The following PALD1 variants were observed in gnomAD, a reference collection of about 807,000 sequenced individuals.
The protein encoded by PALD1 is paladin.
A neutral mutation model predicts 96.0 loss-of-function variants in PALD1; 57 were observed. That is an observed-to-expected ratio of 0.59 (90% CI 0.48 to 0.74). The LOEUF (loss-of-function observed/expected upper bound fraction) is 0.74, where lower values mean the gene tolerates loss of function less well. Among genes scored for constraint, PALD1 ranks in the 30% least tolerant of loss-of-function variants. The pLI is 0.00. For missense variants in PALD1, 1,063 were observed against 1,143.7 expected, an observed-to-expected ratio of 0.93 and a Z score of 1.02; for synonymous variants, 464 against 473.6, an observed-to-expected ratio of 0.98 and a Z score of 0.26.
At chr10:70,550,557 G>A (rs1031615853) in intron 18 of PALD1, among the ~76,000 whole-genome samples, 1 of 152,172 alleles carries the variant, frequency 6.6e-6, no homozygotes, top group Non-Finnish European at 1.5e-5. Context: ...TCATAGAGTT[G>A]TGCATCCAGC....
the PALD1 span, among the ~76,000 whole-genome samples, chr10:70,470,598 A>T: frequency 6.9e-6 from 1 of 144,398 alleles, no homozygotes; most frequent in African/African-American, 2.7e-5. Context: ...ATAATAAATA[A>T]TATTATTTTT....
chr10:70,565,654 G>A (rs1288294959), intron 19 of PALD1, among the ~76,000 whole-genome samples: 1 of 152,134 alleles, frequency 6.6e-6, no homozygotes, highest in African/African-American at 2.4e-5. Context: ...AGGTGGAGAA[G>A]CATTTGAAAT....
intron 18 of PALD1, among the ~76,000 whole-genome samples, chr10:70,553,249 A>G (rs1245266664): frequency 6.6e-6 from 1 of 152,202 alleles, no homozygotes; most frequent in Non-Finnish European, 1.5e-5. Context: ...ACAGACAGGC[A>G]GGTTCCATGT....
chr10:70,518,810 A>G (rs1371975341), intron 1 of PALD1, among the ~76,000 whole-genome samples: 1 of 152,034 alleles, frequency 6.6e-6, no homozygotes, highest in Non-Finnish European at 1.5e-5. Flanking sequence ...ACCCCACCTC[A>G]CCCCAGTGAG....
chr10:70,519,367 A>G (rs1363849829), intron 1 of PALD1, among the ~76,000 whole-genome samples: 1 of 152,074 alleles, frequency 6.6e-6, no homozygotes, highest in East Asian at 1.9e-4. Flanking sequence ...GCATTGATTC[A>G]TTATCTGATA....
chr10:70,528,371 A>G (rs1846914482), intron 2 of PALD1, among the ~76,000 whole-genome samples: 1 of 152,222 alleles, frequency 6.6e-6, no homozygotes, highest in African/African-American at 2.4e-5. Flanking sequence ...TAGAACTACA[A>G]TTATATTAAT....
chr10:70,488,806 CA>C (rs1394821146), intron 1 of PALD1, among the ~76,000 whole-genome samples: 3 of 151,758 alleles, frequency 2.0e-5, no homozygotes, highest in Non-Finnish European at 4.4e-5. Context: ...AGCATTGGAT[CA>C]AAGGGGATCA....
chr10:70,515,642 G>T (rs1464718299), intron 1 of PALD1, among the ~76,000 whole-genome samples: 1 of 152,188 alleles, frequency 6.6e-6, no homozygotes, highest in Non-Finnish European at 1.5e-5. Flanking sequence ...TGGAGCCCTC[G>T]CTGTGCTGTG....
chr10:70,536,622 T>C (rs1427219806), intron 10 of PALD1, among the ~76,000 whole-genome samples: 1 of 152,246 alleles, frequency 6.6e-6, no homozygotes, highest in African/African-American at 2.4e-5. Context: ...TGTTCTCTAC[T>C]CTGCTGGCCC....
At chr10:70,460,926 G>A in the PALD1 span, among the ~76,000 whole-genome samples, 1 of 152,182 alleles carries the variant, frequency 6.6e-6, no homozygotes, top group East Asian at 1.9e-4. Context: ...GTGGTGGCAT[G>A]CGCCTGTAAT....
chr10:70,522,126 G>A (rs768203357), intron 1 of PALD1, among the ~76,000 whole-genome samples: 6 of 152,280 alleles, frequency 3.9e-5, no homozygotes, highest in Non-Finnish European at 8.8e-5. Flanking sequence ...TTCAATGGGG[G>A]TGTCACACTG....
chr10:70,544,815 C>G (rs944348585), intron 17 of PALD1, among the ~76,000 whole-genome samples: 1 of 152,176 alleles, frequency 6.6e-6, no homozygotes, highest in Non-Finnish European at 1.5e-5. Flanking sequence ...CTCCTACTCC[C>G]CTGGGCACAG....
intron 18 of PALD1, among the ~76,000 whole-genome samples, chr10:70,558,549 G>T (rs993041786): frequency 3.3e-5 from 5 of 152,062 alleles, no homozygotes; most frequent in Admixed American, 2.6e-4. Flanking sequence ...GGAGATCTGC[G>T]GCAGGCAGCA....
At chr10:70,564,569 T>A (rs751540751) in intron 19 of PALD1, 50 bp downstream of exon 19, 2 of 1,574,126 alleles carry the variant, frequency 1.3e-6, no homozygotes, top group South Asian at 2.3e-5. Context: ...CTCCTGCAGA[T>A]GGAGCTGGGT....
chr10:70,498,639 C>T (rs987820366), intron 1 of PALD1, among the ~76,000 whole-genome samples: 3 of 150,244 alleles, frequency 2.0e-5, no homozygotes, highest in South Asian at 2.1e-4. Flanking sequence ...TGAAAGGTAT[C>T]GCACAGACTG....
chr10:70,535,351 T>C (rs527551776), intron 10 of PALD1, among the ~76,000 whole-genome samples: 3 of 152,282 alleles, frequency 2.0e-5, no homozygotes, highest in South Asian at 4.1e-4. Flanking sequence ...TCTTCTTTTT[T>C]CTTGTTTCTT....
intron 18 of PALD1, among the ~76,000 whole-genome samples, chr10:70,550,087 C>A (rs1847451099): frequency 6.6e-6 from 1 of 152,196 alleles, no homozygotes; most frequent in Non-Finnish European, 1.5e-5. Flanking sequence ...CTTAGAGGCA[C>A]TGAAGAGCAG....
intron 18 of PALD1, among the ~76,000 whole-genome samples, chr10:70,562,939 C>T (rs1309546090): frequency 6.6e-6 from 1 of 152,152 alleles, no homozygotes; most frequent in Non-Finnish European, 1.5e-5. Flanking sequence ...TCCCTTCCTC[C>T]TGAGCACAAA....
intron 17 of PALD1, among the ~76,000 whole-genome samples, chr10:70,543,707 A>G (rs1218416943): frequency 6.6e-6 from 1 of 151,948 alleles, no homozygotes; most frequent in African/African-American, 2.4e-5. Flanking sequence ...TAAGGGTTTT[A>G]TTTTCCAGCT....
Sources: allele counts gnomAD v4.1 joint callset (sites outside exome capture counted in the v4.1 genomes callset), GRCh38; gene constraint gnomAD v4.1.1; transcripts MANE v1.5; gene names NCBI Gene and HGNC (gene_info 2026-07-23, HGNC 2026-07-21).